The following BUB1 variants were observed in gnomAD, a reference collection of about 807,000 sequenced individuals.
BUB1 encodes BUB1 mitotic checkpoint serine/threonine kinase, also known as mitotic checkpoint serine/threonine-protein kinase BUB1.
In BUB1, 84 loss-of-function variants were observed where a neutral mutation model predicts 135.2. The ratio of observed to expected loss-of-function variants is 0.62; its 90% CI spans 0.52 to 0.74. The LOEUF (loss-of-function observed/expected upper bound fraction) is 0.74, where lower values mean the gene tolerates loss of function less well. Among genes scored for constraint, BUB1 ranks in the 30% least tolerant of loss-of-function variants. The pLI, the probability that BUB1 is intolerant of heterozygous loss-of-function variation, is 0.00. For missense variants in BUB1, 1,162 were observed against 1,288.3 expected (o/e 0.90, Z 1.50); for synonymous variants, 403 against 434.4 (o/e 0.93, Z 0.90).
At chr2:110,662,783 CAG>C (rs1040886827) in intron 9 of BUB1, among the ~76,000 whole-genome samples, 1 of 151,746 alleles carries the variant, frequency 6.6e-6, no homozygotes, top group Non-Finnish European at 1.5e-5. Context: ...GCCTAGATGA[CAG>C]AGTGAGCCCC....
chr2:110,660,036 T>C lies in BUB1; in HGVS notation c.1218A>G (p.Gly406=), dbSNP rs376473365. The part of the protein sequence containing the change: ...SMFAVASKDA[G]CVNKSTHEFK... ...ATTCATGAGTACTCTTATTCACACA[T>C]CTGGAAGAGAAAACTCTTGAGACAC... The change falls in exon 11 of 25, where the codon GGA becomes GGG. Residue 406 remains glycine (G), a splice_region_variant and synonymous_variant. Transcript: ENST00000302759. The C allele has an allele frequency of 6.2e-7, 1 of 1,610,824 alleles. No individual in the cohort carries two copies. Among genetic ancestry groups the C allele is most frequent in the Non-Finnish European group, 8.5e-7 (1 of 1,177,566 alleles).
rs1689695906 is a variant in BUB1, at chr2:110,648,310, T to A, written c.2347+924A>T. Among the ~76,000 whole-genome samples, 1 of 151,802 alleles carries A rather than the reference T, an allele frequency of 6.6e-6. No homozygotes were observed. Among genetic ancestry groups the A allele is most frequent in the African/African-American group, 2.4e-5 (1 of 41,364 alleles). On this transcript the variant is annotated intron_variant, in intron 19 of 24. Coordinates refer to ENST00000302759, the MANE Select transcript of BUB1 (RefSeq NM_004336.5). This position sits in a 1 kb window ranked among gnomAD's most constrained non-coding sequence, Gnocchi z 4.2. Reference sequence around the variant, plus strand: ...CCAGTTGAAAAGGCTATATACTATATGATTCCAACTATATGACATTATGGA... The same window carrying A: ...CCAGTTGAAAAGGCTATATACTATAAGATTCCAACTATATGACATTATGGA...
chr2:110,672,007 A>G (rs141183760), intron 4 of BUB1, among the ~76,000 whole-genome samples: 2 of 152,174 alleles, frequency 1.3e-5, no homozygotes, highest in Non-Finnish European at 2.9e-5. Flanking sequence ...CAGGAAGATC[A>G]CTTGAGGTCA....
At chr2:110,643,483 T>C (rs934513945) in intron 19 of BUB1, among the ~76,000 whole-genome samples, 5 of 152,206 alleles carry the variant, frequency 3.3e-5, no homozygotes, top group Non-Finnish European at 7.3e-5. Flanking sequence ...AAAGGTCTAT[T>C]TAATCCCATT....
chr2:110,665,246 A>G (rs969171824), intron 9 of BUB1, among the ~76,000 whole-genome samples: 1 of 152,238 alleles, frequency 6.6e-6, no homozygotes, highest in Non-Finnish European at 1.5e-5. Flanking sequence ...ATACACAATA[A>G]GTCTGGAAAA....
chr2:110,667,159 T>A (rs1237598763), intron 8 of BUB1, among the ~76,000 whole-genome samples: 1 of 152,090 alleles, frequency 6.6e-6, no homozygotes, highest in African/African-American at 2.4e-5. Context: ...TACTGAAAAA[T>A]TTTTAAATAT....
intron 4 of BUB1, among the ~76,000 whole-genome samples, chr2:110,670,957 A>G (rs1559175092): frequency 6.6e-6 from 1 of 152,232 alleles, no homozygotes; most frequent in Admixed American, 6.5e-5. Flanking sequence ...TGAAAGTACA[A>G]AAGTACTTAG....
At chr2:110,645,843 G>A (rs953178112) in intron 19 of BUB1, among the ~76,000 whole-genome samples, 8 of 152,162 alleles carry the variant, frequency 5.3e-5, no homozygotes, top group African/African-American at 1.9e-4. Context: ...CTGGATTACA[G>A]GTGTGAGTAA....
rs776173182 is a variant in BUB1 at position 110,642,228 on chromosome 2, T to C, written c.2354A>G (p.Lys785Arg). ...AAGAAGGTGATGGACATAGACCAGC[T>C]TAGAACCTTAGAAGATAATTGAAAA... Reference protein sequence around the residue: ...KPKTEFQLGSKLVYVHHLLGE... With the variant: ...KPKTEFQLGSRLVYVHHLLGE... Residue 785 changes from lysine (K) to arginine (R), a missense_variant, in exon 20 of 25, where the codon AAG (lysine) becomes AGG (arginine). Lys to Arg is a conservative substitution (Grantham distance 26). Transcript: ENST00000302759. The C allele has an allele frequency of 1.9e-6, 3 of 1,584,660 alleles. No individual in the cohort carries two copies. The Admixed American group carries it at 5.7e-5, about 30-fold the overall frequency.
chr2:110,673,414 TA>T (rs1690476675), intron 3 of BUB1, among the ~76,000 whole-genome samples: 1 of 152,162 alleles, frequency 6.6e-6, no homozygotes, highest in Non-Finnish European at 1.5e-5. Context: ...GAAGCACAGG[TA>T]AAACAACCTG....
At position 110,658,467 on chromosome 2, in the gene BUB1, T is replaced by C; in HGVS notation, c.1459A>G (p.Lys487Glu). The C allele has an allele frequency of 3.1e-6, 5 of 1,614,116 alleles. No homozygotes were observed. Among genetic ancestry groups the C allele is most frequent in the Non-Finnish European group, 3.4e-6 (4 of 1,180,004 alleles). ...TGATCTAGAGATTGCCATTCATCTT[T>C]GTCATCAGAAATATCAGGAAGTGTA... is the stretch of plus-strand genomic sequence containing the variant. ...APTLPDISDD[K>E]DEWQSLDQNE... Residue 487 changes from lysine to glutamate, a missense_variant, in exon 13 of 25, where the codon AAA becomes GAA. Physicochemically the swap from Lys to Glu is moderately conservative, Grantham distance 56. Coordinates refer to ENST00000302759, the MANE Select transcript of BUB1 (RefSeq NM_004336.5).
chr2:110,646,030 C>G (rs1346801094), intron 19 of BUB1, among the ~76,000 whole-genome samples: 1 of 151,942 alleles, frequency 6.6e-6, no homozygotes, highest in Non-Finnish European at 1.5e-5. Flanking sequence ...CAACACCCTT[C>G]CATCAGAAAT....
Position 110,677,978 on chromosome 2 carries a change from AT to A in BUB1, c.17del (p.Asn6MetfsTer29). Reference sequence around the variant, plus strand: ...ACCAGACGGACACTTACTGAAGGACATTTTCCGGGGTGTCCATGGCCAGAGG... The same window carrying A: ...ACCAGACGGACACTTACTGAAGGACATTTCCGGGGTGTCCATGGCCAGAGG... The part of the protein sequence containing the change: MDTPE[N>X]VLQMLEAHMQ... On this transcript the variant is annotated frameshift_variant, in exon 1 of 25. Coordinates refer to ENST00000302759, the MANE Select transcript of BUB1 (RefSeq NM_004336.5). LOFTEE classifies it high-confidence loss of function. 1 of 1,609,282 alleles carries A rather than the reference AT, an allele frequency of 6.2e-7. No homozygotes were observed.
At position 110,661,790 on chromosome 2, in the gene BUB1, C is replaced by T. The variant is rs147435577; in HGVS notation, c.1009G>A (p.Ala337Thr). Residue 337 changes from alanine to threonine, a missense_variant, in exon 10 of 25, where the codon GCG (alanine) becomes ACG (threonine). Physicochemically the swap from Ala to Thr is moderately conservative, Grantham distance 58. Coordinates refer to ENST00000302759, the MANE Select transcript of BUB1 (RefSeq NM_004336.5). ...PSVGSQQELR[A>T]PCLPVTYQQT... ...TGATAGGTTACTGGAAGACATGGCG[C>T]TCTCAGTTCCTGCTGGGAGCCTACA... 2.5e-5 allele frequency: 41 copies of T among 1,614,230 alleles called. No individual in the cohort carries two copies. The highest frequency in any genetic ancestry group is 2.4e-4 in the African/African-American group (18 of 75,048).
chr2:110,654,683 A>G (rs533219733), intron 16 of BUB1, among the ~76,000 whole-genome samples: 5 of 150,416 alleles, frequency 3.3e-5, no homozygotes, highest in African/African-American at 9.8e-5. Context: ...GGTGCTTGGC[A>G]ATTGTCAAAG....
chr2:110,652,177 T>G (rs970144547), intron 17 of BUB1, among the ~76,000 whole-genome samples: 1 of 152,116 alleles, frequency 6.6e-6, no homozygotes, highest in African/African-American at 2.4e-5. Context: ...AAATCAATAC[T>G]CATAGTGATT....
chr2:110,673,623 T>A (rs1319494509), intron 3 of BUB1, among the ~76,000 whole-genome samples: 2 of 151,990 alleles, frequency 1.3e-5, no homozygotes, highest in East Asian at 3.9e-4. Flanking sequence ...GGACAGAGTC[T>A]CACTCTGTCA....
chr2:110,657,027 T>C lies in BUB1; in HGVS notation c.1698+9A>G. ...GGACCCATTTCATAGATAAAACAGG[T>C]TTGTTTACCTTTGGTTTTGAAGGAA... On this transcript the variant is annotated intron_variant, in intron 15 of 24. Coordinates refer to ENST00000302759, the MANE Select transcript of BUB1 (RefSeq NM_004336.5). The C allele has an allele frequency of 1.9e-6, 3 of 1,608,206 alleles. No individual in the cohort carries two copies. The highest frequency in any genetic ancestry group is 2.6e-6 in the Non-Finnish European group (3 of 1,176,234).
chr2:110,659,539 A>T (rs1690023126), intron 11 of BUB1, among the ~76,000 whole-genome samples: 1 of 152,202 alleles, frequency 6.6e-6, no homozygotes, highest in African/African-American at 2.4e-5. Flanking sequence ...GTCCAGAAAA[A>T]AAATGTCCCA....
Sources: allele counts gnomAD v4.1 joint callset (sites outside exome capture counted in the v4.1 genomes callset), GRCh38; gene constraint gnomAD v4.1.1; non-coding constraint Gnocchi (gnomAD v3.1); transcripts MANE v1.5; gene names NCBI Gene and HGNC (gene_info 2026-07-23, HGNC 2026-07-21).